ARFGEF2: variants seen among roughly 807,000 people sequenced by gnomAD.
ARFGEF2 encodes ARF guanine nucleotide exchange factor 2.
ARFGEF2 carries 74 observed loss-of-function variants against 219.9 expected under a neutral mutation model. The observed-to-expected ratio is 0.34, with a 90% CI of 0.28 to 0.41. ARFGEF2 has a LOEUF of 0.41. Ranked by LOEUF, ARFGEF2 falls within the 10% of genes least tolerant of loss-of-function variation. The pLI is 1.00. For synonymous variants in ARFGEF2, 733 were observed against 799.2 expected, an observed-to-expected ratio of 0.92 and a Z score of 1.40; for missense variants, 1,743 against 2,218.3, an observed-to-expected ratio of 0.79 and a Z score of 4.30.
intron 6 of ARFGEF2, among the ~76,000 whole-genome samples, chr20:48,960,132 A>G (rs537967422): frequency 6.6e-6 from 1 of 152,330 alleles, no homozygotes; most frequent in Admixed American, 6.5e-5. Flanking sequence ...ACAAACCTAG[A>G]TGGTATAGCC....
chr20:48,922,494 C>A (rs2090849297), intron 1 of ARFGEF2, among the ~76,000 whole-genome samples: 2 of 152,230 alleles, frequency 1.3e-5, no homozygotes. Context: ...TCCCATAGCT[C>A]TTTCCCTCAA....
intron 1 of ARFGEF2, among the ~76,000 whole-genome samples, chr20:48,935,242 C>T (rs1244683707): frequency 1.3e-5 from 2 of 152,112 alleles, no homozygotes; most frequent in Non-Finnish European, 2.9e-5. Flanking sequence ...ACCCTGCGGC[C>T]TTCCGCAGTG....
intron 3 of ARFGEF2, 50 bp downstream of exon 3, chr20:48,942,037 G>T (rs747620105): frequency 1.2e-6 from 2 of 1,611,642 alleles, no homozygotes; most frequent in East Asian, 4.5e-5. Flanking sequence ...CCAAGCCACA[G>T]TTGGTCCTTA....
In ARFGEF2 at chr20:49,018,901, C is replaced by G. The variant is rs1308546516; in HGVS notation, c.4527C>G (p.Arg1509=). The G allele has an allele frequency of 6.2e-7, 1 of 1,613,922 alleles. No individual in the cohort carries two copies. Among genetic ancestry groups the G allele is most frequent in the Non-Finnish European group, 8.5e-7 (1 of 1,179,866 alleles). Reference sequence around the variant, plus strand: ...ACATTTAGGATGTGGATCTGGACCGCCAGTCTTTAAGCAGCATAGATAAAA... The same window carrying G: ...ACATTTAGGATGTGGATCTGGACCGGCAGTCTTTAAGCAGCATAGATAAAA... The part of the protein sequence containing the change: ...SEKHLDVDLD[R]QSLSSIDKNP... Residue 1509 remains arginine, a synonymous_variant, in exon 34 of 39, where the codon CGC becomes CGG. Coordinates refer to ENST00000371917, the MANE Select transcript of ARFGEF2 (RefSeq NM_006420.3).
intron 14 of ARFGEF2, among the ~76,000 whole-genome samples, chr20:48,978,076 G>T (rs913473358): frequency 1.3e-5 from 2 of 152,174 alleles, no homozygotes; most frequent in Non-Finnish European, 2.9e-5. Flanking sequence ...GAATGGTATT[G>T]CCTAGGTTTT....
intron 12 of ARFGEF2, among the ~76,000 whole-genome samples, chr20:48,974,081 A>G (rs966259332): frequency 2.1e-5 from 3 of 142,770 alleles, no homozygotes; most frequent in Non-Finnish European, 4.6e-5. Flanking sequence ...TTTTTCAGTC[A>G]CTGGTTGAGA....
At position 48,975,921 on chromosome 20, in the gene ARFGEF2, A is replaced by C. The variant is rs559955006; in HGVS notation, c.1775-95A>C. ...TATAGTATTGACTTGTTGCTATTAC[A>C]GGTTTGGGAAAGGGAGCCGTGCAGC... On this transcript the variant is annotated intron_variant, in intron 13 of 38. Coordinates refer to ENST00000371917, the MANE Select transcript of ARFGEF2 (RefSeq NM_006420.3). 6.3e-6 allele frequency: 7 copies of C among 1,107,674 alleles called. No individual in the cohort carries two copies. In the African/African-American group the frequency reaches 7.7e-5, roughly 12 times the overall value. 68.6% of individuals were successfully genotyped at this position (1,107,674 alleles called of 1,614,324 possible).
intron 27 of ARFGEF2, among the ~76,000 whole-genome samples, chr20:49,010,682 A>G (rs1207941100): frequency 1.3e-5 from 2 of 152,242 alleles, no homozygotes; most frequent in African/African-American, 4.8e-5. Context: ...ATGAAATTTG[A>G]AAGTCAAATC....
At position 48,989,540 on chromosome 20, in the gene ARFGEF2, C is replaced by A. The variant is rs370562126; in HGVS notation, c.2686-16C>A. ...CTAAAACTCTGGATGTTATTGAAAT[C>A]TTCCTTCCATGATAGCTGGTGTGGA... is the stretch of plus-strand genomic sequence containing the variant. On this transcript the variant is annotated splice_polypyrimidine_tract_variant and intron_variant, in intron 19 of 38. Transcript: ENST00000371917. 67 of 1,614,132 alleles carry A rather than the reference C, an allele frequency of 4.2e-5. No individual in the cohort carries two copies. In the African/African-American group the frequency reaches 8.4e-4, roughly 20 times the overall value.
intron 3 of ARFGEF2, among the ~76,000 whole-genome samples, chr20:48,948,624 C>T (rs910894247): frequency 6.6e-6 from 1 of 152,216 alleles, no homozygotes; most frequent in African/African-American, 2.4e-5. Flanking sequence ...TATTACAGTA[C>T]AGAGGTACAG....
At chr20:48,941,104 A>C in intron 1 of ARFGEF2, 95 bp from the exon 2 acceptor site, 2 of 1,144,642 alleles carry the variant, frequency 1.7e-6, no homozygotes, top group South Asian at 1.3e-5. Flanking sequence ...TCTCGTTAAC[A>C]ATCTTTTCAG....
chr20:48,992,562 T>C (rs2091363056), intron 21 of ARFGEF2, among the ~76,000 whole-genome samples: 1 of 152,108 alleles, frequency 6.6e-6, no homozygotes, highest in South Asian at 2.1e-4. Context: ...AGTCACCGAG[T>C]CCCACCTTCT....
intron 23 of ARFGEF2, among the ~76,000 whole-genome samples, chr20:48,996,878 T>C (rs148416465): frequency 9.9e-5 from 15 of 152,048 alleles, no homozygotes; most frequent in Admixed American, 9.2e-4. Context: ...AGGAGAGATA[T>C]TTCCCATAAA....
chr20:49,023,408 T>A lies in ARFGEF2; in HGVS notation c.4755+227T>A, dbSNP rs1014435741. On this transcript the variant is annotated intron_variant, in intron 35 of 38. Coordinates refer to ENST00000371917, the MANE Select transcript of ARFGEF2 (RefSeq NM_006420.3). ...CTAAACATCAGGGCTTCATTTTTTT[T>A]ATGTATATACCCCAGAGAGTGAGTT... Among the ~76,000 whole-genome samples the A allele has an allele frequency of 3.3e-5, 5 of 152,282 alleles. No individual in the cohort carries two copies. In the South Asian group the frequency reaches 8.3e-4, roughly 25 times the overall value.
chr20:48,972,783 A>G (rs185527400), intron 11 of ARFGEF2, among the ~76,000 whole-genome samples: 6 of 152,242 alleles, frequency 3.9e-5, no homozygotes, highest in East Asian at 1.9e-4. Flanking sequence ...TTTACCTTAC[A>G]CTATACAATT....
At chr20:49,018,797 G>A in intron 33 of ARFGEF2, 87 bp from the exon 34 acceptor site, 1 of 1,036,216 alleles carries the variant, frequency 9.7e-7, no homozygotes, top group Non-Finnish European at 1.5e-6. Context: ...AATACAGGCT[G>A]GACCAGCCGT....
At chr20:48,977,126 C>T (rs548911489) in intron 14 of ARFGEF2, among the ~76,000 whole-genome samples, 1 of 151,978 alleles carries the variant, frequency 6.6e-6, no homozygotes, top group Non-Finnish European at 1.5e-5. Context: ...ATCCCTCCCC[C>T]TGCGCCCCAC....
At chr20:49,008,809 A>C (rs1246888220) in intron 26 of ARFGEF2, among the ~76,000 whole-genome samples, 2 of 151,096 alleles carry the variant, frequency 1.3e-5, no homozygotes, top group Non-Finnish European at 3.0e-5. Context: ...CCAGGTTCAA[A>C]CTATTTTCCT....
Position 49,034,329 on chromosome 20 carries a change from A to G in ARFGEF2, c.*1130A>G, listed in dbSNP as rs2091654504. On this transcript the variant is annotated 3_prime_UTR_variant, in exon 39 of 39. Transcript: ENST00000371917. ...TGGCATGTGCCCAGCACTTCCATTA[A>G]TCTGAGCCTAGGAGTTGAATTCTTT... is the stretch of plus-strand genomic sequence containing the variant. 6.6e-6 allele frequency: 1 copy of G among 152,246 alleles called. No homozygotes were observed. Among genetic ancestry groups the G allele is most frequent in the Non-Finnish European group, 1.5e-5 (1 of 68,080 alleles). The allele number at this position is 152,246 out of a possible 1,614,324, so 9.4% of individuals were successfully genotyped here.
Sources: allele counts gnomAD v4.1 joint callset (sites outside exome capture counted in the v4.1 genomes callset), GRCh38; gene constraint gnomAD v4.1.1; transcripts MANE v1.5; gene names NCBI Gene and HGNC (gene_info 2026-07-23, HGNC 2026-07-21).